DST: variants seen among roughly 807,000 people sequenced by gnomAD.
DST encodes the protein dystonin.
Under a neutral mutation model 875.2 loss-of-function variants are expected in DST, and 253 were observed. That is an observed-to-expected ratio of 0.29 (90% CI 0.26 to 0.32). DST has a LOEUF of 0.32. Ranked by LOEUF, DST falls within the 10% of genes least tolerant of loss-of-function variation. DST has a pLI of 1.00. For synonymous variants in DST, 3,124 were observed against 3,197.1 expected (o/e 0.98, Z 0.77); for missense variants, 8,287 against 9,111.6 (o/e 0.91, Z 3.68).
At chr6:56,777,294 T>C (rs1281316907) in intron 4 of DST, among the ~76,000 whole-genome samples, 1 of 152,084 alleles carries the variant, frequency 6.6e-6, no homozygotes, top group Non-Finnish European at 1.5e-5. Flanking sequence ...ATAAGTTAGA[T>C]AGAAGGATAA....
intron 80 of DST, among the ~76,000 whole-genome samples, chr6:56,498,855 A>C (rs908049541): frequency 5.3e-5 from 8 of 152,154 alleles, no homozygotes; most frequent in African/African-American, 1.9e-4. Flanking sequence ...CCAGTATTCC[A>C]AAATTCAGTT....
Position 56,552,290 on chromosome 6 carries a change from A to C in DST, c.16502T>G (p.Leu5501Trp), listed in dbSNP as rs767871437. 8 of 1,613,964 alleles carry C rather than the reference A, an allele frequency of 5.0e-6. No homozygotes were observed. Among genetic ancestry groups the C allele is most frequent in the Non-Finnish European group, 5.9e-6 (7 of 1,179,868 alleles). ...CTGGAGCAGAATAGAAAATTCTTTC[A>C]ATTTGCTGTAAAATTCTTCAAGGCG... ...IKRLEEFYSK[L>W]KEFSILLQKA... The change falls in exon 61 of 104, where the codon TTG becomes TGG. Residue 5501 changes from leucine (L) to tryptophan (W), a missense_variant. This residue lies in a region of DST where 777 missense variants were observed against 764.8 expected (regional missense o/e 1.02). Transcript: ENST00000680361.
intron 61 of DST, among the ~76,000 whole-genome samples, chr6:56,542,355 T>C (rs180777432): frequency 1.5e-4 from 22 of 147,414 alleles, no homozygotes; most frequent in African/African-American, 4.3e-4. Context: ...ACCAGACTTT[T>C]AGACACCCAG....
chr6:56,732,274 A>C (rs2099502497), intron 5 of DST, among the ~76,000 whole-genome samples: 1 of 152,220 alleles, frequency 6.6e-6, no homozygotes. Context: ...TGATCATCAC[A>C]ACAATTTGGC....
chr6:56,755,752 G>A (rs541714477), intron 4 of DST, among the ~76,000 whole-genome samples: 268 of 152,320 alleles, frequency 1.8e-3, no homozygotes, highest in Middle Eastern at 0.014. Context: ...TTGGCATGAA[G>A]TGTTTATCAG....
intron 36 of DST, chr6:56,616,735 GAT>G: frequency 5.0e-6 from 8 of 1,614,194 alleles, no homozygotes; most frequent in Non-Finnish European, 6.8e-6. Context: ...GGGCTTCCAA[GAT>G]ATGTTTACCT....
At chr6:56,926,568 G>C (rs1007034985) in intron 2 of DST, among the ~76,000 whole-genome samples, 1 of 152,196 alleles carries the variant, frequency 6.6e-6, no homozygotes, top group East Asian at 1.9e-4. Flanking sequence ...GGAAAGACCT[G>C]CTGGTCAGAG....
Position 56,634,516 on chromosome 6 carries a change from G to C in DST, c.3440C>G (p.Ser1147Cys), listed in dbSNP as rs1278718000. The change falls in exon 26 of 104, where the codon TCT (serine) becomes TGT (cysteine). Residue 1147 changes from serine (S) to cysteine (C), a missense_variant. This residue lies in a region of DST where 1,160 missense variants were observed against 1,424.3 expected (regional missense o/e 0.81). Coordinates refer to ENST00000680361, the MANE Select transcript of DST (RefSeq NM_001374736.1). ...SPTGNEAMVP[S>C]VCFTVPPPNK... is the part of the protein sequence containing the mutation. The stretch of plus-strand genomic sequence containing the variant: ...TGGTGGAGGAACGGTGAAGCACACA[G>C]ATGGGACCATAGCCTCATTCCCAGT... 1 of 1,614,188 alleles carries C rather than the reference G, an allele frequency of 6.2e-7. No homozygotes were observed. Among genetic ancestry groups the C allele is most frequent in the Admixed American group, 1.7e-5 (1 of 60,032 alleles).
chr6:56,492,984 G>T lies in DST; in HGVS notation c.20500C>A (p.Arg6834=), dbSNP rs376924958. 1 of 1,612,138 alleles carries T rather than the reference G, an allele frequency of 6.2e-7. No homozygotes were observed. Among genetic ancestry groups the T allele is most frequent in the South Asian group, 1.1e-5 (1 of 90,680 alleles). Residue 6834 remains arginine (R), a synonymous_variant, in exon 84 of 104, where the codon CGG becomes AGG. Transcript: ENST00000680361. ...ACTGTGTCCAAGATGAGACTTGGCC[G>T]AGAAGCTACATTTAGGGTCTGTTCA... The part of the protein sequence containing the change: ...QAEQTLNVAS[R]PSLILDTVLF...
chr6:56,506,891 A>G, intron 75 of DST, 102 bp from the exon 76 acceptor site: 1 of 1,241,596 alleles, frequency 8.1e-7, no homozygotes, highest in East Asian at 2.6e-5. Flanking sequence ...AGAAGGTGGC[A>G]TTCTAATCAT....
Position 56,570,021 on chromosome 6 carries a change from C to A in DST, c.13722-9G>T. The A allele has an allele frequency of 6.4e-7, 1 of 1,552,210 alleles. No individual in the cohort carries two copies. Among genetic ancestry groups the A allele is most frequent in the Non-Finnish European group, 8.7e-7 (1 of 1,151,342 alleles). On this transcript the variant is annotated splice_polypyrimidine_tract_variant and intron_variant, in intron 53 of 103. Transcript: ENST00000680361. Reference sequence around the variant, plus strand: ...AAGTTACAGCTTCTTTTCTACATAACAAAAATCATACAAGAATTTAAGTCA... The same window carrying A: ...AAGTTACAGCTTCTTTTCTACATAAAAAAAATCATACAAGAATTTAAGTCA...
At chr6:56,588,096 A>C (rs564731067) in intron 49 of DST, among the ~76,000 whole-genome samples, 2 of 152,358 alleles carry the variant, frequency 1.3e-5, no homozygotes, top group South Asian at 4.1e-4. Context: ...TAAATGCTCC[A>C]ATCAAGTATT....
At chr6:56,613,050 T>A (rs775214226) in intron 37 of DST, among the ~76,000 whole-genome samples, 2 of 151,906 alleles carry the variant, frequency 1.3e-5, no homozygotes, top group Non-Finnish European at 2.9e-5. Context: ...TATATACACA[T>A]GAAACTACAG....
rs2097221359 is a variant in DST at position 56,546,349 on chromosome 6, T to TATATATATATATATATATATTTC, written c.16608+5834_16608+5835insGAAATATATATATATATATATAT. 8.0e-4 allele frequency among the ~76,000 whole-genome samples: 10 copies of TATATATATATATATATATATTTC among 12,518 alleles called. No individual in the cohort carries two copies. In the African/African-American group the frequency reaches 0.012, roughly 15 times the overall value. 8.2% of individuals were successfully genotyped at this position (12,518 alleles called of 152,430 possible). On this transcript the variant is annotated intron_variant, in intron 61 of 103. Coordinates refer to ENST00000680361, the MANE Select transcript of DST (RefSeq NM_001374736.1). ...TTAATTGAAATATATACATATTTCA[T>TATATATATATATATATATATTTC]ATATATATATATATATATATATATA...
intron 4 of DST, among the ~76,000 whole-genome samples, chr6:56,846,672 A>T (rs1018422865): frequency 6.6e-6 from 1 of 152,206 alleles, no homozygotes; most frequent in Non-Finnish European, 1.5e-5. Context: ...TTTTAATATG[A>T]TGAAACCACA....
At chr6:56,642,940 C>A in intron 15 of DST, 1 of 1,456,344 alleles carries the variant, frequency 6.9e-7, no homozygotes, top group Non-Finnish European at 9.1e-7. Context: ...CATGCATATG[C>A]AACACACAGC....
intron 15 of DST, among the ~76,000 whole-genome samples, chr6:56,645,180 G>A (rs146511688): frequency 6.6e-6 from 1 of 152,252 alleles, no homozygotes; most frequent in African/African-American, 2.4e-5. Flanking sequence ...ACCCTGCAAG[G>A]TCTAGGTCCT....
At chr6:56,844,365 G>T (rs1417255312) in intron 4 of DST, among the ~76,000 whole-genome samples, 2 of 152,204 alleles carry the variant, frequency 1.3e-5, no homozygotes, top group Non-Finnish European at 2.9e-5. Flanking sequence ...TGGGCTCCGC[G>T]GCGGGCCTAT....
chr6:56,752,963 G>A (rs1182821334), intron 4 of DST, among the ~76,000 whole-genome samples: 2 of 151,908 alleles, frequency 1.3e-5, no homozygotes, highest in East Asian at 3.9e-4. Flanking sequence ...GGCTAATTTT[G>A]TATTTTTAGT....
Sources: allele counts gnomAD v4.1 joint callset (sites outside exome capture counted in the v4.1 genomes callset), GRCh38; gene constraint gnomAD v4.1.1; regional missense constraint gnomAD v4.1.1; transcripts MANE v1.5; gene names NCBI Gene and HGNC (gene_info 2026-07-23, HGNC 2026-07-21).